The following ASPM variants were observed in gnomAD, a reference collection of about 807,000 sequenced individuals.
ASPM encodes the protein assembly factor for spindle microtubules, also known as abnormal spindle-like microcephaly-associated protein.
In ASPM, 256 loss-of-function variants were observed where a neutral mutation model predicts 366.4. The ratio of observed to expected loss-of-function variants is 0.70; its 90% CI spans 0.63 to 0.77. The LOEUF (loss-of-function observed/expected upper bound fraction) is 0.77, where lower values mean the gene tolerates loss of function less well. ASPM is among the 30% of genes least tolerant of loss of function. ASPM has a pLI of 0.00. For synonymous variants in ASPM, 1,414 were observed against 1,342.9 expected (o/e 1.05, Z -1.16); for missense variants, 4,146 against 4,090.4 (o/e 1.01, Z -0.37).
At position 197,090,242 on chromosome 1, in the gene ASPM, C is replaced by G; in HGVS notation, c.9783G>C (p.Leu3261Phe). 8 of 1,613,462 alleles carry G rather than the reference C, an allele frequency of 5.0e-6. No homozygotes were observed. Among genetic ancestry groups the G allele is most frequent in the Non-Finnish European group, 6.8e-6 (8 of 1,179,674 alleles). ...KRTALALHYL[L>F]TYKHLSAILE... ...GAATGGCAGAAAGGTGCTTATATGTCAAAAGGTAATGAAGTGCAAGTGCAG... is the reference window on the plus strand; with the variant it reads ...GAATGGCAGAAAGGTGCTTATATGTGAAAAGGTAATGAAGTGCAAGTGCAG... The change falls in exon 24 of 28, where the codon TTG becomes TTC. Residue 3261 changes from leucine (L) to phenylalanine (F), a missense_variant. Physicochemically the swap from Leu to Phe is conservative, Grantham distance 22 (BLOSUM62 0). Transcript: ENST00000367409.
At chr1:197,135,372 C>T (rs1028050096) in intron 4 of ASPM, 130 bp from the exon 5 acceptor site, 3 of 928,178 alleles carry the variant, frequency 3.2e-6, no homozygotes, top group Non-Finnish European at 5.1e-6. Context: ...CTACTACTTG[C>T]AGGAAAGAGC....
chr1:197,123,757 TCTAA>T (rs1657990264), intron 13 of ASPM, among the ~76,000 whole-genome samples: 1 of 152,176 alleles, frequency 6.6e-6, no homozygotes, highest in African/African-American at 2.4e-5. Flanking sequence ...TTCTTCTTCC[TCTAA>T]CTAGTGGTAA....
chr1:197,132,152 T>G, intron 7 of ASPM, 133 bp downstream of exon 7: 1 of 675,572 alleles, frequency 1.5e-6, no homozygotes, highest in South Asian at 2.2e-5. Context: ...CATTTTATAC[T>G]AAAAGATGAA....
In ASPM at chr1:197,103,686, C is replaced by A. The variant is rs1571601335; in HGVS notation, c.5565G>T (p.Gln1855His). 6.2e-7 allele frequency: 1 copy of A among 1,612,910 alleles called. No homozygotes were observed. The highest frequency in any genetic ancestry group is 2.2e-5 in the East Asian group (1 of 44,838). ...GAGTCTTGTACGCCCTGTACCATCT[C>A]TGAATCTTTATTATAGATTGAAGCA... is the stretch of plus-strand genomic sequence containing the variant. ...QSVLQSIIKI[Q>H]RWYRAYKTLH... The change falls in exon 18 of 28, where the codon CAG becomes CAT. Residue 1855 changes from glutamine to histidine, a missense_variant. Physicochemically the swap from Gln to His is conservative, Grantham distance 24 (BLOSUM62 0). Around this residue, in one of 3 missense-constraint regions of ASPM, gnomAD observed 3,624 missense variants for 3,591.7 expected, o/e 1.01. Coordinates refer to ENST00000367409, the MANE Select transcript of ASPM (RefSeq NM_018136.5).
Position 197,096,160 on chromosome 1 carries a change from A to T in ASPM, c.8825T>A (p.Met2942Lys), listed in dbSNP as rs1433957656. 1 of 1,599,536 alleles carries T rather than the reference A, an allele frequency of 6.3e-7. No homozygotes were observed. The highest frequency in any genetic ancestry group is 8.6e-7 in the Non-Finnish European group (1 of 1,169,062). Reference sequence around the variant, plus strand: ...TTTCTTGGCTCTATATCTCCTCCACATAGCCTATTAAATACATAAATATAA... The same window carrying T: ...TTTCTTGGCTCTATATCTCCTCCACTTAGCCTATTAAATACATAAATATAA... ...IKNSTIKIQA[M>K]WRRYRAKKYL... The change falls in exon 19 of 28, where the codon ATG becomes AAG. Residue 2942 changes from methionine (M) to lysine (K), a missense_variant. Physicochemically the swap from Met to Lys is moderately conservative, Grantham distance 95 (BLOSUM62 -1). Coordinates refer to ENST00000367409, the MANE Select transcript of ASPM (RefSeq NM_018136.5).
At chr1:197,131,335 A>G (rs1038041259) in intron 7 of ASPM, among the ~76,000 whole-genome samples, 2 of 152,218 alleles carry the variant, frequency 1.3e-5, no homozygotes, top group African/African-American at 4.8e-5. Flanking sequence ...CTAGCAAAAA[A>G]CTAAAGAATA....
At position 197,100,603 on chromosome 1, in the gene ASPM, C is replaced by T. The variant is rs750100143; in HGVS notation, c.8648G>A (p.Arg2883Lys). The change falls in exon 18 of 28, where the codon AGA becomes AAA. Residue 2883 changes from arginine to lysine, a missense_variant. Physicochemically the swap from Arg to Lys is conservative, Grantham distance 26 (BLOSUM62 2). This residue lies in a region of ASPM where 3,624 missense variants were observed against 3,591.7 expected (regional missense o/e 1.01). Coordinates refer to ENST00000367409, the MANE Select transcript of ASPM (RefSeq NM_018136.5). ...WQTRKQFLLY[R>K]KAAVVLQNHY... ...ATTTTGTAAAACCACTGCTGCTTTT[C>T]TATATAGTAAAAACTGTTTTCTGGT... is the stretch of plus-strand genomic sequence containing the variant. The T allele has an allele frequency of 6.2e-7, 1 of 1,611,894 alleles. No homozygotes were observed. The highest frequency in any genetic ancestry group is 8.5e-7 in the Non-Finnish European group (1 of 1,178,780).
rs1656603023 is a variant in ASPM, at chr1:197,086,820, C to T, written c.10314G>A (p.Arg3438=). 8 of 1,609,652 alleles carry T rather than the reference C, an allele frequency of 5.0e-6. No homozygotes were observed. Among genetic ancestry groups the T allele is most frequent in the Admixed American group, 1.7e-5 (1 of 59,978 alleles). ...SIPFIPETPV[R]TRIVSRLKPD... ...TTGCTTACCTTGAAACTATTCTGGT[C>T]CTTACAGGTGTTTCTGGGATAAAAG... The change falls in exon 27 of 28, where the codon AGG becomes AGA. Residue 3438 remains arginine (R), a synonymous_variant. Transcript: ENST00000367409.
Position 197,133,546 on chromosome 1 carries a change from A to G in ASPM, c.2223T>C (p.Ser741=). Residue 741 remains serine (S), a synonymous_variant, in exon 6 of 28, where the codon AGT becomes AGC. Coordinates refer to ENST00000367409, the MANE Select transcript of ASPM (RefSeq NM_018136.5). ...CCTCTTTTGTAGGTGCTCTAGGAAC[A>G]CTTATTTTATGTTGATTCTCTATTC... The part of the protein sequence containing the change: ...LLGIENQHKI[S]VPRAPTKEEM... 6.2e-7 allele frequency: 1 copy of G among 1,613,658 alleles called. No homozygotes were observed. Among genetic ancestry groups the G allele is most frequent in the Non-Finnish European group, 8.5e-7 (1 of 1,179,640 alleles).
At chr1:197,114,304 TGGAG>T (rs965958748) in intron 17 of ASPM, among the ~76,000 whole-genome samples, 5 of 152,182 alleles carry the variant, frequency 3.3e-5, no homozygotes, top group Admixed American at 6.5e-5. Context: ...TTTTTGCTAG[TGGAG>T]GGTCTTACCT....
At chr1:197,092,472 A>AT (rs1332705698) in intron 21 of ASPM, among the ~76,000 whole-genome samples, 10 of 152,002 alleles carry the variant, frequency 6.6e-5, no homozygotes, top group African/African-American at 2.4e-4. Flanking sequence ...CAACTCCAGC[A>AT]TAAGACCCTG....
chr1:197,085,038 T>C (rs1485694996), intron 27 of ASPM, among the ~76,000 whole-genome samples: 2 of 152,170 alleles, frequency 1.3e-5, no homozygotes, highest in Non-Finnish European at 2.9e-5. Flanking sequence ...TCCACCAGAA[T>C]GCTGTCCTTA....
Position 197,102,408 on chromosome 1 carries a change from T to A in ASPM, c.6843A>T (p.Arg2281Ser), listed in dbSNP as rs749279060. 27 of 1,612,522 alleles carry A rather than the reference T, an allele frequency of 1.7e-5. No individual in the cohort carries two copies. The highest frequency in any genetic ancestry group is 2.1e-5 in the Non-Finnish European group (25 of 1,179,234). Residue 2281 changes from arginine to serine, a missense_variant, in exon 18 of 28, where the codon AGA (arginine) becomes AGT (serine). Around this residue, in one of 3 missense-constraint regions of ASPM, gnomAD observed 3,624 missense variants for 3,591.7 expected, o/e 1.01. Coordinates refer to ENST00000367409, the MANE Select transcript of ASPM (RefSeq NM_018136.5). ...TAGCAGTTTTCTTGAGAGAGAGGAA[T>A]CTTCTTCTCATCATTAGAGTTCTAA... ...RRFRTLMMRR[R>S]FLSLKKTAIL...
At chr1:197,098,279 C>T (rs2125092083) in intron 18 of ASPM, among the ~76,000 whole-genome samples, 1 of 151,470 alleles carries the variant, frequency 6.6e-6, no homozygotes, top group Admixed American at 6.6e-5. Context: ...AACTTCGCTG[C>T]TCATTAGAGT....
In ASPM at chr1:197,092,044, T is replaced by C; in HGVS notation, c.9307A>G (p.Arg3103Gly). The C allele has an allele frequency of 6.2e-7, 1 of 1,611,714 alleles. No homozygotes were observed. Among genetic ancestry groups the C allele is most frequent in the Non-Finnish European group, 8.5e-7 (1 of 1,178,516 alleles). The change falls in exon 22 of 28, where the codon AGA (arginine) becomes GGA (glycine). Residue 3103 changes from arginine to glycine, a missense_variant. This residue lies in a region of ASPM where 3,624 missense variants were observed against 3,591.7 expected (regional missense o/e 1.01). Coordinates refer to ENST00000367409, the MANE Select transcript of ASPM (RefSeq NM_018136.5). The stretch of plus-strand genomic sequence containing the variant: ...AAGTGAAGAAGTCGAATTTTGGCTC[T>C]CTGTTCTAAAAACTAAAGGTGAAAA... ...WLVRKRFLEQ[R>G]AKIRLLHFTA...
At chr1:197,094,833 T>A (rs1447239996) in intron 19 of ASPM, among the ~76,000 whole-genome samples, 1 of 151,808 alleles carries the variant, frequency 6.6e-6, no homozygotes, top group Admixed American at 6.6e-5. Flanking sequence ...TTTGTTGCCA[T>A]GTTTCTTAGA....
At position 197,144,016 on chromosome 1, in the gene ASPM, C is replaced by T; in HGVS notation, c.382G>A (p.Asp128Asn). Reference sequence around the variant, plus strand: ...AATATAGCTTGGTGTTTCAGAACATCATTTACAAGAAATGTCATAATCTCT... The same window carrying T: ...AATATAGCTTGGTGTTTCAGAACATTATTTACAAGAAATGTCATAATCTCT... ...VREIMTFLVN[D>N]VLKHQAILLG... Residue 128 changes from aspartate (D) to asparagine (N), a missense_variant, in exon 2 of 28, where the codon GAT becomes AAT. Physicochemically the swap from Asp to Asn is conservative, Grantham distance 23 (BLOSUM62 1). Transcript: ENST00000367409. 1 of 1,610,620 alleles carries T rather than the reference C, an allele frequency of 6.2e-7. No homozygotes were observed. Among genetic ancestry groups the T allele is most frequent in the Non-Finnish European group, 8.5e-7 (1 of 1,177,110 alleles).
rs1377164584 is a variant in ASPM, at chr1:197,129,250, A to G, written c.2697T>C (p.Tyr899=). The G allele has an allele frequency of 6.2e-7, 1 of 1,612,636 alleles. No homozygotes were observed. The highest frequency in any genetic ancestry group is 1.7e-5 in the Admixed American group (1 of 60,024). The change falls in exon 9 of 28, where the codon TAT becomes TAC. Residue 899 remains tyrosine, a synonymous_variant. Coordinates refer to ENST00000367409, the MANE Select transcript of ASPM (RefSeq NM_018136.5). The stretch of plus-strand genomic sequence containing the variant: ...GATCAATGAGTCTGGAAATTTTAGC[A>G]TAATCAAGAAAACAGACCAACAACA... ...KLLLLVCFLD[Y]AKISRLIDHD... is the part of the protein sequence containing the mutation.
rs766019333 is a variant in ASPM, at chr1:197,117,869, C to T, written c.3985G>A (p.Val1329Ile). Reference sequence around the variant, plus strand: ...ATTAATAATTTTCTCTGTGCTAAGACTCTTCGCCAATATTTCTGAATGACG... The same window carrying T: ...ATTAATAATTTTCTCTGTGCTAAGATTCTTCGCCAATATTTCTGAATGACG... Reference protein sequence around the residue: ...ALVIQKYWRRVLAQRKLLMLK... With the variant: ...ALVIQKYWRRILAQRKLLMLK... Residue 1329 changes from valine (V) to isoleucine (I), a missense_variant, in exon 17 of 28, where the codon GTC (valine) becomes ATC (isoleucine). Val to Ile is a conservative substitution (Grantham distance 29). This residue lies in a region of ASPM where 3,624 missense variants were observed against 3,591.7 expected (regional missense o/e 1.01). Coordinates refer to ENST00000367409, the MANE Select transcript of ASPM (RefSeq NM_018136.5). 1.9e-6 allele frequency: 3 copies of T among 1,613,422 alleles called. No homozygotes were observed. Among genetic ancestry groups the T allele is most frequent in the South Asian group, 1.1e-5 (1 of 91,074 alleles).
Sources: gnomAD v4.1 joint callset for allele counts (sites outside exome capture counted in the v4.1 genomes callset) on GRCh38, gnomAD v4.1.1 for gene constraint, gnomAD v4.1.1 regional missense constraint, MANE v1.5 for transcripts, NCBI Gene and HGNC (gene_info 2026-07-23, HGNC 2026-07-21) for gene names.